Variants in SCG5 observed in about 807,000 individuals in gnomAD.
The protein encoded by SCG5 is secretogranin V.
Under a neutral mutation model 25.7 loss-of-function variants are expected in SCG5, and 18 were observed. That is an observed-to-expected ratio of 0.70 (90% CI 0.48 to 1.04). The LOEUF is 1.04. Ranked by LOEUF, SCG5 falls within the 50% of genes least tolerant of loss-of-function variation. The pLI is 0.00. For synonymous variants in SCG5, 101 were observed against 91.7 expected (o/e 1.10, Z -0.58); for missense variants, 206 against 259.8 (o/e 0.79, Z 1.42).
At chr15:32,660,483 G>T (rs1383471748) in intron 2 of SCG5, among the ~76,000 whole-genome samples, 1 of 152,174 alleles carries the variant, frequency 6.6e-6, no homozygotes, top group Non-Finnish European at 1.5e-5. Flanking sequence ...AAGGTATCAG[G>T]TATCCAGCAC....
chr15:32,667,334 A>G (rs2054336321), intron 2 of SCG5, among the ~76,000 whole-genome samples: 1 of 151,570 alleles, frequency 6.6e-6, no homozygotes, highest in Admixed American at 6.6e-5. Flanking sequence ...GTTGAAGCCC[A>G]TTTTTAAAGA....
In SCG5 at chr15:32,696,579, T is replaced by C. The variant is rs371970968; in HGVS notation, c.609T>C (p.His203=). Residue 203 remains histidine (H), a synonymous_variant, in exon 6 of 6, where the codon CAT becomes CAC. Transcript: ENST00000300175. ...TTGTTGCAAAGAAGTCTGTCCCCCA[T>C]TTTTCAGATGAGGATAAGGATCCAG... The part of the protein sequence containing the change: ...DNVVAKKSVP[H]FSDEDKDPE The C allele has an allele frequency of 4.0e-5, 65 of 1,612,192 alleles. No homozygotes were observed. In the African/African-American group the frequency reaches 6.8e-4, roughly 17 times the overall value.
Position 32,669,284 on chromosome 15 carries a change from A to G in SCG5, c.227-10482A>G, listed in dbSNP as rs34696455. Among the ~76,000 whole-genome samples the G allele has an allele frequency of 1.9e-3, 290 of 152,318 alleles. 3 individuals are homozygous for G. Among genetic ancestry groups the G allele is most frequent in the African/African-American group, 6.6e-3 (276 of 41,564 alleles). ...TAAGTAAGTGTAGTTTCAGAAAGGAAGATGAAGTGGGAGCTTTAGATAATT... is the reference window on the plus strand; with the variant it reads ...TAAGTAAGTGTAGTTTCAGAAAGGAGGATGAAGTGGGAGCTTTAGATAATT... On this transcript the variant is annotated intron_variant, in intron 2 of 5. Coordinates refer to ENST00000300175, the MANE Select transcript of SCG5 (RefSeq NM_001144757.3).
At chr15:32,691,318 C>T (rs918630328) in intron 4 of SCG5, among the ~76,000 whole-genome samples, 12 of 152,094 alleles carry the variant, frequency 7.9e-5, no homozygotes, top group African/African-American at 1.7e-4. Context: ...AATAGTCAGA[C>T]GCTACTCTAG....
intron 2 of SCG5, among the ~76,000 whole-genome samples, chr15:32,678,353 T>C (rs980712593): frequency 2.0e-5 from 3 of 152,120 alleles, no homozygotes; most frequent in Admixed American, 6.5e-5. Context: ...TCATACAAAT[T>C]GATAAGAAAA....
intron 2 of SCG5, among the ~76,000 whole-genome samples, chr15:32,653,728 T>A (rs1469301041): frequency 6.6e-6 from 1 of 152,220 alleles, no homozygotes; most frequent in African/African-American, 2.4e-5. Flanking sequence ...CTTCAGTGAT[T>A]AGATGAAGTC....
intron 2 of SCG5, among the ~76,000 whole-genome samples, chr15:32,663,956 G>A (rs2054279243): frequency 6.6e-6 from 1 of 152,076 alleles, no homozygotes. Context: ...TCAAACCAAT[G>A]ATATTAGCCT....
intron 3 of SCG5, among the ~76,000 whole-genome samples, chr15:32,683,616 C>A (rs1008781941): frequency 6.6e-6 from 1 of 152,204 alleles, no homozygotes; most frequent in African/African-American, 2.4e-5. Flanking sequence ...GTAATCATCT[C>A]TATTCCTCAC....
At chr15:32,649,904 G>A (rs983134389) in intron 2 of SCG5, among the ~76,000 whole-genome samples, 1 of 151,996 alleles carries the variant, frequency 6.6e-6, no homozygotes, top group Non-Finnish European at 1.5e-5. Context: ...AAATAAAATC[G>A]GCCCAAATAA....
In SCG5 at chr15:32,691,603, C is replaced by A. The variant is rs78625732; in HGVS notation, c.490-107C>A. On this transcript the variant is annotated intron_variant, in intron 4 of 5. Transcript: ENST00000300175. Reference sequence around the variant, plus strand: ...CATCTAGTTTTGTTTCCAAAATATGCGTATGCAAATATCTAGGGGACACAC... The same window carrying A: ...CATCTAGTTTTGTTTCCAAAATATGAGTATGCAAATATCTAGGGGACACAC... The A allele has an allele frequency of 5.4e-4, 446 of 829,884 alleles. 3 individuals carry two copies. The African/African-American group carries it at 6.4e-3, about 12-fold the overall frequency. 51.4% of individuals were successfully genotyped at this position (829,884 alleles called of 1,614,324 possible).
At chr15:32,666,130 T>G (rs1411829979) in intron 2 of SCG5, among the ~76,000 whole-genome samples, 1 of 152,208 alleles carries the variant, frequency 6.6e-6, no homozygotes, top group Non-Finnish European at 1.5e-5. Flanking sequence ...CGAATGTTTC[T>G]TCTTATCAAC....
chr15:32,652,867 C>T (rs2054055861), intron 2 of SCG5, among the ~76,000 whole-genome samples: 1 of 152,116 alleles, frequency 6.6e-6, no homozygotes. Context: ...ATAGTATAAA[C>T]TTTTAATATT....
At chr15:32,642,954 A>G (rs985324947) in intron 1 of SCG5, among the ~76,000 whole-genome samples, 1 of 152,192 alleles carries the variant, frequency 6.6e-6, no homozygotes, top group African/African-American at 2.4e-5. Flanking sequence ...AAACTGAGGG[A>G]CTTGCCTACG....
At chr15:32,693,885 G>A (rs940511973) in intron 5 of SCG5, among the ~76,000 whole-genome samples, 3 of 152,184 alleles carry the variant, frequency 2.0e-5, no homozygotes, top group Admixed American at 2.0e-4. Context: ...CGAGGAGGGT[G>A]GATCACCTGA....
intron 4 of SCG5, among the ~76,000 whole-genome samples, chr15:32,684,899 C>T (rs558067168): frequency 1.8e-4 from 27 of 152,286 alleles, no homozygotes; most frequent in African/African-American, 5.8e-4. Context: ...TAACATTGAC[C>T]ATAGTCTCCA....
intron 4 of SCG5, among the ~76,000 whole-genome samples, chr15:32,688,964 A>AAAAAAAG (rs1555437397): frequency 1.2e-3 from 23 of 18,438 alleles, no homozygotes; most frequent in Middle Eastern, 0.062. Flanking sequence ...GTCTCAAAAA[A>AAAAAAAG]AAAAAAAAAA....
chr15:32,646,998 G>T (rs2053952793), intron 2 of SCG5, among the ~76,000 whole-genome samples: 1 of 152,154 alleles, frequency 6.6e-6, no homozygotes, highest in Non-Finnish European at 1.5e-5. Flanking sequence ...ATTCTGGTGT[G>T]AATTTCAAAT....
At chr15:32,692,028 G>C (rs1289100754) in intron 5 of SCG5, 1 of 1,350,804 alleles carries the variant, frequency 7.4e-7, no homozygotes, top group African/African-American at 1.5e-5. Context: ...CAGGAAATGT[G>C]TATTGCTTCC....
intron 3 of SCG5, among the ~76,000 whole-genome samples, chr15:32,683,097 T>G (rs1268162807): frequency 6.6e-6 from 1 of 152,224 alleles, no homozygotes; most frequent in Non-Finnish European, 1.5e-5. Flanking sequence ...GTAAGTTAGA[T>G]AAATAGCTCA....
Sources: allele counts gnomAD v4.1 joint callset (sites outside exome capture counted in the v4.1 genomes callset), GRCh38; gene constraint gnomAD v4.1.1; transcripts MANE v1.5; gene names NCBI Gene and HGNC (gene_info 2026-07-23, HGNC 2026-07-21).